MASTL: variants seen among roughly 807,000 people sequenced by gnomAD.
MASTL encodes serine/threonine-protein kinase greatwall.
MASTL carries 54 observed loss-of-function variants against 82.5 expected under a neutral mutation model. The ratio of observed to expected loss-of-function variants is 0.65; its 90% CI spans 0.53 to 0.82. The LOEUF (loss-of-function observed/expected upper bound fraction) is 0.82, where lower values mean the gene tolerates loss of function less well. Ranked by LOEUF, MASTL falls within the 40% of genes least tolerant of loss-of-function variation. The pLI is 0.00. For synonymous variants in MASTL, 323 were observed against 368.9 expected, an observed-to-expected ratio of 0.88 and a Z score of 1.43; for missense variants, 950 against 1,047.8, an observed-to-expected ratio of 0.91 and a Z score of 1.29.
At chr10:27,164,050 T>G (rs1374589933) in intron 4 of MASTL, among the ~76,000 whole-genome samples, 1 of 151,344 alleles carries the variant, frequency 6.6e-6, no homozygotes, top group Non-Finnish European at 1.5e-5. Flanking sequence ...AAGCGATTCT[T>G]GTCCCTCAGC....
At chr10:27,185,688 T>C (rs543608638) in intron 11 of MASTL, among the ~76,000 whole-genome samples, 1 of 149,540 alleles carries the variant, frequency 6.7e-6, no homozygotes, top group Non-Finnish European at 1.5e-5. Context: ...CTTGGGAGGC[T>C]GAGGCACGAG....
At chr10:27,168,326 T>C (rs1484254750) in intron 7 of MASTL, among the ~76,000 whole-genome samples, 1 of 152,160 alleles carries the variant, frequency 6.6e-6, no homozygotes, top group Non-Finnish European at 1.5e-5. Context: ...AGAAAACATA[T>C]TGTTTACTAT....
intron 7 of MASTL, among the ~76,000 whole-genome samples, chr10:27,169,444 C>T (rs965980587): frequency 2.0e-5 from 3 of 151,838 alleles, no homozygotes; most frequent in African/African-American, 7.3e-5. Context: ...GTGGTGTGCC[C>T]CTGTAATCCC....
In MASTL at chr10:27,155,426, G is replaced by C. The variant is rs146593151; in HGVS notation, c.-1G>C. ...GCGGGGCCGCTGTATGCTGTCCAGCGATGGATCCCACCGCGGGAAGCAAGA... is the reference window on the plus strand; with the variant it reads ...GCGGGGCCGCTGTATGCTGTCCAGCCATGGATCCCACCGCGGGAAGCAAGA... On this transcript the variant is annotated 5_prime_UTR_variant, in exon 1 of 12. Transcript: ENST00000375940. 11 of 1,607,308 alleles carry C rather than the reference G, an allele frequency of 6.8e-6. No homozygotes were observed. The African/African-American group carries it at 8.0e-5, about 12-fold the overall frequency.
At chr10:27,184,071 T>TA (rs1437953034) in intron 11 of MASTL, among the ~76,000 whole-genome samples, 1 of 152,174 alleles carries the variant, frequency 6.6e-6, no homozygotes, top group Non-Finnish European at 1.5e-5. Context: ...AGCTAGGTGA[T>TA]ATTGCTTCAG....
Position 27,170,889 on chromosome 10 carries a change from A to C in MASTL, c.1930A>C (p.Lys644Gln), listed in dbSNP as rs140163549. The C allele has an allele frequency of 6.1e-4, 982 of 1,614,192 alleles. 13 individuals carry two copies. In the South Asian group the frequency reaches 8.6e-3, roughly 14 times the overall value. The change falls in exon 8 of 12, where the codon AAA (lysine) becomes CAA (glutamine). Residue 644 changes from lysine (K) to glutamine (Q), a missense_variant. Physicochemically the swap from Lys to Gln is moderately conservative, Grantham distance 53 (BLOSUM62 1). Coordinates refer to ENST00000375940, the MANE Select transcript of MASTL (RefSeq NM_001172303.3). ...GTTAGGTCCTCCTTTGGAGGTGCTGAAAACGTTAGCCTCTAAAAGAAATGC... is the reference window on the plus strand; with the variant it reads ...GTTAGGTCCTCCTTTGGAGGTGCTGCAAACGTTAGCCTCTAAAAGAAATGC... ...KMLGPPLEVL[K>Q]TLASKRNAVA...
chr10:27,173,125 C>A lies in MASTL; in HGVS notation c.2132C>A (p.Pro711Gln), dbSNP rs1160253611. The A allele has an allele frequency of 6.2e-7, 1 of 1,614,068 alleles. No individual in the cohort carries two copies. The highest frequency in any genetic ancestry group is 8.5e-7 in the Non-Finnish European group (1 of 1,180,004). The stretch of plus-strand genomic sequence containing the variant: ...AAACCCTTTTTGAATTAGCAGACCC[C>A]AAATCAGATCAAGTCGGGAACTCCA... Reference protein sequence around the residue: ...RRSCMPHQQTPNQIKSGTPYR... With the variant: ...RRSCMPHQQTQNQIKSGTPYR... The change falls in exon 9 of 12, where the codon CCA becomes CAA. Residue 711 changes from proline to glutamine, a missense_variant. Physicochemically the swap from Pro to Gln is moderately conservative, Grantham distance 76 (BLOSUM62 -1). Coordinates refer to ENST00000375940, the MANE Select transcript of MASTL (RefSeq NM_001172303.3).
chr10:27,158,314 C>T (rs1256872224), intron 1 of MASTL, among the ~76,000 whole-genome samples: 1 of 152,154 alleles, frequency 6.6e-6, no homozygotes, highest in Non-Finnish European at 1.5e-5. Flanking sequence ...TTGGGCCAGC[C>T]TGGGCAACGT....
chr10:27,181,498 G>A lies in MASTL; in HGVS notation c.2399G>A (p.Gly800Asp), dbSNP rs539015099. The A allele has an allele frequency of 6.2e-7, 1 of 1,611,240 alleles. No individual in the cohort carries two copies. Among genetic ancestry groups the A allele is most frequent in the African/African-American group, 1.3e-5 (1 of 75,002 alleles). Residue 800 changes from glycine (G) to aspartate (D), a missense_variant, in exon 11 of 12, where the codon GGT becomes GAT. Gly to Asp is a moderately conservative substitution (Grantham distance 94). Transcript: ENST00000375940. ...ILKRDIPWPE[G>D]EEKLSDNAQS... ...ATTTTAGATATCCCTTGGCCAGAAG[G>A]TGAAGAAAAGTTATCTGATAATGCT...
intron 9 of MASTL, among the ~76,000 whole-genome samples, chr10:27,174,712 C>G (rs945865998): frequency 6.6e-6 from 1 of 152,122 alleles, no homozygotes; most frequent in Non-Finnish European, 1.5e-5. Context: ...CTCCCTGTGT[C>G]TCTATCATCA....
At chr10:27,185,852 G>A (rs2058695951) in intron 11 of MASTL, among the ~76,000 whole-genome samples, 1 of 151,420 alleles carries the variant, frequency 6.6e-6, no homozygotes, top group African/African-American at 2.4e-5. Context: ...CACTTTGGAA[G>A]GCCAAGGTGG....
At chr10:27,169,867 A>C in intron 7 of MASTL, 77 bp from the exon 8 acceptor site, 2 of 1,448,544 alleles carry the variant, frequency 1.4e-6, no homozygotes, top group Middle Eastern at 3.6e-4. Flanking sequence ...CATTTATCCT[A>C]CCTTAACGGA....
At chr10:27,161,207 T>G in intron 4 of MASTL, 25 bp downstream of exon 4, 1 of 1,386,744 alleles carries the variant, frequency 7.2e-7, no homozygotes, top group Non-Finnish European at 1.0e-6. Context: ...AAGTAAGTAC[T>G]TTTTTAAAAC....
chr10:27,184,584 G>A (rs1381115665), intron 11 of MASTL, among the ~76,000 whole-genome samples: 5 of 59,068 alleles, frequency 8.5e-5, no homozygotes, highest in East Asian at 4.8e-4. Flanking sequence ...TTTTTGAGAC[G>A]GAATCTCGTT....
In MASTL at chr10:27,167,146, CT is replaced by C; in HGVS notation, c.857del (p.Leu286GlnfsTer53). ...ASNPGMPVKC[L>X]TSNLLQSRKR... ...CAACCCAGGAATGCCTGTGAAGTGTCTAACTTCTAATTTACTCCAGTCTAGG... is the reference window on the plus strand; with the variant it reads ...CAACCCAGGAATGCCTGTGAAGTGTCAACTTCTAATTTACTCCAGTCTAGG... On this transcript the variant is annotated frameshift_variant, in exon 7 of 12. Coordinates refer to ENST00000375940, the MANE Select transcript of MASTL (RefSeq NM_001172303.3). LOFTEE classifies it high-confidence loss of function. 1.2e-6 allele frequency: 2 copies of C among 1,614,036 alleles called. No homozygotes were observed. The highest frequency in any genetic ancestry group is 1.7e-6 in the Non-Finnish European group (2 of 1,179,954).
intron 7 of MASTL, among the ~76,000 whole-genome samples, chr10:27,168,832 T>C (rs1335159960): frequency 6.6e-6 from 1 of 152,130 alleles, no homozygotes; most frequent in Non-Finnish European, 1.5e-5. Context: ...CCTTTTTGCT[T>C]GAGACTAAAT....
chr10:27,184,521 C>T (rs1426985508), intron 11 of MASTL, among the ~76,000 whole-genome samples: 1 of 147,950 alleles, frequency 6.8e-6, no homozygotes, highest in African/African-American at 2.5e-5. Context: ...GGTCAGATTG[C>T]CATTATAAAA....
At chr10:27,183,476 G>T (rs1040157193) in intron 11 of MASTL, among the ~76,000 whole-genome samples, 1 of 151,990 alleles carries the variant, frequency 6.6e-6, no homozygotes, top group Non-Finnish European at 1.5e-5. Flanking sequence ...GTAGAGATGG[G>T]GTTTCACCAT....
In MASTL at chr10:27,170,775, G is replaced by T. The variant is rs35413630; in HGVS notation, c.1816G>T (p.Asp606Tyr). The T allele has an allele frequency of 4.9e-4, 786 of 1,614,068 alleles. No individual in the cohort carries two copies. The highest frequency in any genetic ancestry group is 5.6e-4 in the Non-Finnish European group (662 of 1,179,994). The change falls in exon 8 of 12, where the codon GAT (aspartate) becomes TAT (tyrosine). Residue 606 changes from aspartate (D) to tyrosine (Y), a missense_variant. Transcript: ENST00000375940. ...CTCTTTTGAAGAATCAAATATTGAA[G>T]ATCCACTTATTGTAACACCAGATTG... ...ESSFEESNIEDPLIVTPDCQE... is the reference protein window; with the variant it reads ...ESSFEESNIEYPLIVTPDCQE...
Sources: allele counts gnomAD v4.1 joint callset (sites outside exome capture counted in the v4.1 genomes callset), GRCh38; gene constraint gnomAD v4.1.1; transcripts MANE v1.5; gene names NCBI Gene and HGNC (gene_info 2026-07-23, HGNC 2026-07-21).